The following RSPH1 variants were observed in gnomAD, a reference collection of about 807,000 sequenced individuals.
The protein encoded by RSPH1 is radial spoke head 1 homolog.
Under a neutral mutation model 44.2 loss-of-function variants are expected in RSPH1, and 32 were observed. The observed-to-expected ratio is 0.72, with a 90% CI of 0.55 to 0.97. The LOEUF (loss-of-function observed/expected upper bound fraction) is 0.97. Among genes scored for constraint, RSPH1 ranks in the 50% least tolerant of loss-of-function variants. The probability of loss-of-function intolerance (pLI) is 0.00; values close to 1 mark genes in which losing one functional copy is unlikely to be tolerated. For missense variants in RSPH1, 391 were observed against 398.7 expected (o/e 0.98, Z 0.16); for synonymous variants, 134 against 147.3 (o/e 0.91, Z 0.65).
intron 8 of RSPH1, 98 bp downstream of exon 8, chr21:42,475,800 C>A: frequency 7.1e-7 from 1 of 1,402,168 alleles, no homozygotes; most frequent in South Asian, 1.3e-5. Flanking sequence ...TCCCTGGGGC[C>A]CAGCTGAAGG....
chr21:42,474,827 C>T lies in RSPH1; in HGVS notation c.877+1071G>A, dbSNP rs1021994859. 2.0e-5 allele frequency among the ~76,000 whole-genome samples: 3 copies of T among 148,420 alleles called. No homozygotes were observed. The highest frequency in any genetic ancestry group is 3.9e-4 in the East Asian group (2 of 5,186). On this transcript the variant is annotated intron_variant, in intron 8 of 8. Coordinates refer to ENST00000291536, the MANE Select transcript of RSPH1 (RefSeq NM_080860.4). The surrounding 1 kb of genome is among the most constrained non-coding windows in gnomAD (Gnocchi z 5.2). ...CAGCGCTCAGGGGAATTACCGATCA[C>T]GAAAGTCTATGTGTGCTTCAAGCAT...
At position 42,485,771 on chromosome 21, in the gene RSPH1, C is replaced by T. The variant is rs760016966; in HGVS notation, c.399G>A (p.Thr133=). Residue 133 remains threonine (T), a synonymous_variant, in exon 5 of 9, where the codon ACG becomes ACA. Coordinates refer to ENST00000291536, the MANE Select transcript of RSPH1 (RefSeq NM_080860.4). ...HGQGTYLYAE[T]GSKYVGTWVN... is the part of the protein sequence containing the mutation. ...CCCAGGTGCCAACATACTTACTGCC[C>T]GTCTCCGCGTATAAATAGGTGCCTT... 43 of 1,614,060 alleles carry T rather than the reference C, an allele frequency of 2.7e-5. No individual in the cohort carries two copies. Among genetic ancestry groups the T allele is most frequent in the Non-Finnish European group, 3.2e-5 (38 of 1,180,036 alleles).
At position 42,477,388 on chromosome 21, in the gene RSPH1, T is replaced by G. The variant is rs2054078912; in HGVS notation, c.630A>C (p.Lys210Asn). The change falls in exon 7 of 9, where the codon AAA becomes AAC. Residue 210 changes from lysine to asparagine, a missense_variant. Transcript: ENST00000291536. ...EELVTVVPKW[K>N]ATQITELALW... is the part of the protein sequence containing the mutation. ...GGGCCAATTCAGTGATTTGGGTAGCTTTCCATTTTGGAACAACAGTTACTA... is the reference window on the plus strand; with the variant it reads ...GGGCCAATTCAGTGATTTGGGTAGCGTTCCATTTTGGAACAACAGTTACTA... 3 of 1,613,652 alleles carry G rather than the reference T, an allele frequency of 1.9e-6. No homozygotes were observed. In the Middle Eastern group the frequency reaches 4.9e-4, roughly 266 times the overall value.
chr21:42,490,663 A>C (rs2054226995), intron 3 of RSPH1, among the ~76,000 whole-genome samples: 1 of 152,204 alleles, frequency 6.6e-6, no homozygotes, highest in Non-Finnish European at 1.5e-5. Context: ...ATTGGTCTTT[A>C]TTCATGGTTC....
chr21:42,486,428 C>A lies in RSPH1; in HGVS notation c.308G>T (p.Gly103Val). ...GTCATTATTGATGTAGTAGTATACG[C>A]CATGGCCGTGCCGCAGGTCATTTGC... ...EWANDLRHGH[G>V]VYYYINNDTY... Residue 103 changes from glycine (G) to valine (V), a missense_variant, in exon 4 of 9, where the codon GGC becomes GTC. Coordinates refer to ENST00000291536, the MANE Select transcript of RSPH1 (RefSeq NM_080860.4). 6.2e-7 allele frequency: 1 copy of A among 1,614,082 alleles called. No homozygotes were observed. The highest frequency in any genetic ancestry group is 8.5e-7 in the Non-Finnish European group (1 of 1,179,934).
chr21:42,494,058 T>C (rs892154652), intron 1 of RSPH1, among the ~76,000 whole-genome samples: 6 of 152,224 alleles, frequency 3.9e-5, no homozygotes, highest in African/African-American at 1.4e-4. Flanking sequence ...TATGTGTCTA[T>C]CTTAAAAGTA....
rs1369189469 is a variant in RSPH1, at chr21:42,474,084, G to T, written c.878-1214C>A. Among the ~76,000 whole-genome samples the T allele has an allele frequency of 4.6e-5, 7 of 152,122 alleles. No homozygotes were observed. Among genetic ancestry groups the T allele is most frequent in the Non-Finnish European group, 4.4e-5 (3 of 68,022 alleles). On this transcript the variant is annotated intron_variant, in intron 8 of 8. Transcript: ENST00000291536. The surrounding 1 kb of genome is among the most constrained non-coding windows in gnomAD (Gnocchi z 5.2). ...TTATCTCCCCCACCAAGTTTCTGGG[G>T]CCTCCTGCCTTGCCTGGCTCCAGGG...
intron 6 of RSPH1, among the ~76,000 whole-genome samples, chr21:42,479,138 C>T (rs945320469): frequency 6.6e-6 from 1 of 152,150 alleles, no homozygotes; most frequent in Non-Finnish European, 1.5e-5. Flanking sequence ...ACATATAAAA[C>T]CATAATTTAA....
intron 1 of RSPH1, among the ~76,000 whole-genome samples, chr21:42,493,339 A>G (rs1158365411): frequency 6.6e-6 from 1 of 152,228 alleles, no homozygotes; most frequent in Non-Finnish European, 1.5e-5. Flanking sequence ...AGAGCTTGCA[A>G]TTCATTGTGA....
chr21:42,481,290 G>A (rs2054125485), intron 6 of RSPH1, among the ~76,000 whole-genome samples: 1 of 152,066 alleles, frequency 6.6e-6, no homozygotes, highest in African/African-American at 2.4e-5. Context: ...CTTCCATCAT[G>A]AGTGGAAGCT....
intron 6 of RSPH1, among the ~76,000 whole-genome samples, chr21:42,480,105 T>A (rs1215744806): frequency 6.6e-6 from 1 of 152,040 alleles, no homozygotes; most frequent in Non-Finnish European, 1.5e-5. Context: ...TTGGGGAAAC[T>A]AAATAACCAT....
intron 3 of RSPH1, among the ~76,000 whole-genome samples, chr21:42,491,120 C>T (rs894101731): frequency 1.3e-5 from 2 of 152,118 alleles, no homozygotes; most frequent in Non-Finnish European, 2.9e-5. Context: ...TCCTATGAGC[C>T]GCTATGGCAC....
At chr21:42,477,513 G>A (rs1218463625) in intron 6 of RSPH1, 69 bp from the exon 7 acceptor site, 2 of 1,532,122 alleles carry the variant, frequency 1.3e-6, no homozygotes, top group Non-Finnish European at 1.8e-6. Context: ...TTAAAAGTGA[G>A]GGAGGAAGGA....
At chr21:42,476,127 G>A in intron 7 of RSPH1, 80 bp from the exon 8 acceptor site, 1 of 1,434,930 alleles carries the variant, frequency 7.0e-7, no homozygotes, top group Non-Finnish European at 9.6e-7. Flanking sequence ...GCTGTCCCCT[G>A]GGCTGCCGTG....
rs1025539246 is a variant in RSPH1, at chr21:42,472,846, T to A, written c.902A>T (p.Glu301Val). 2 of 1,608,486 alleles carry A rather than the reference T, an allele frequency of 1.2e-6. No individual in the cohort carries two copies. The highest frequency in any genetic ancestry group is 2.7e-5 in the African/African-American group (2 of 74,798). The change falls in exon 9 of 9, where the codon GAA (glutamate) becomes GTA (valine). Residue 301 changes from glutamate (E) to valine (V), a missense_variant. Glu to Val is a moderately radical substitution (Grantham distance 121). Coordinates refer to ENST00000291536, the MANE Select transcript of RSPH1 (RefSeq NM_080860.4). ...DEGNINSEEE[E>V]TRQSDLQD The stretch of plus-strand genomic sequence containing the variant: ...GTCCTGGAGGTCTGACTGTCTAGTT[T>A]CTTCTTCTTCAGAATTAATGTTTCC...
Position 42,486,473 on chromosome 21 carries a change from A to C in RSPH1, c.275-12T>G. 1 of 1,603,166 alleles carries C rather than the reference A, an allele frequency of 6.2e-7. No individual in the cohort carries two copies. On this transcript the variant is annotated splice_polypyrimidine_tract_variant and intron_variant, in intron 3 of 8. Coordinates refer to ENST00000291536, the MANE Select transcript of RSPH1 (RefSeq NM_080860.4). ...ATTTGCCCACTCTCCTGAAAGGAACAACACAAAGGCAAGCCCAGGTGAGAA... is the reference window on the plus strand; with the variant it reads ...ATTTGCCCACTCTCCTGAAAGGAACCACACAAAGGCAAGCCCAGGTGAGAA...
At chr21:42,484,858 TA>T (rs1677875995) in intron 5 of RSPH1, 2 of 152,112 alleles carry the variant, frequency 1.3e-5, no homozygotes, top group African/African-American at 2.4e-5. Context: ...TGATGAAGAC[TA>T]AAAGTAAAAT....
intron 3 of RSPH1, among the ~76,000 whole-genome samples, chr21:42,487,354 C>T (rs1347554855): frequency 6.6e-6 from 1 of 152,066 alleles, no homozygotes; most frequent in East Asian, 1.9e-4. Context: ...CATATTACAC[C>T]AAGTCATTAA....
chr21:42,493,006 G>T lies in RSPH1; in HGVS notation c.128C>A (p.Thr43Asn), dbSNP rs144221071. ...ACCGAATTCGTAGCTCCCTTCGTAG[G>T]TGTCCCCGTTGGGTAGCCGTGCCCT... ...RGRARLPNGDTYEGSYEFGKR... is the reference protein window; with the variant it reads ...RGRARLPNGDNYEGSYEFGKR... The change falls in exon 2 of 9, where the codon ACC (threonine) becomes AAC (asparagine). Residue 43 changes from threonine (T) to asparagine (N), a missense_variant. By Grantham distance (65) the Thr-to-Asn change is moderately conservative. Coordinates refer to ENST00000291536, the MANE Select transcript of RSPH1 (RefSeq NM_080860.4). The T allele has an allele frequency of 2.0e-5, 32 of 1,614,182 alleles. 1 individual carries two copies. In the African/African-American group the frequency reaches 3.2e-4, roughly 16 times the overall value.
Sources: gnomAD v4.1 joint callset for allele counts (sites outside exome capture counted in the v4.1 genomes callset) on GRCh38, gnomAD v4.1.1 for gene constraint, Gnocchi (gnomAD v3.1) non-coding constraint, MANE v1.5 for transcripts, NCBI Gene and HGNC (gene_info 2026-07-23, HGNC 2026-07-21) for gene names.